Variants in LDHA observed in about 807,000 individuals in gnomAD.
LDHA encodes the protein lactate dehydrogenase A.
In LDHA, 10 loss-of-function variants were observed where a neutral mutation model predicts 36.3. The ratio of observed to expected loss-of-function variants is 0.28; its 90% CI spans 0.17 to 0.47. LDHA has a LOEUF of 0.47. Among genes scored for constraint, LDHA ranks in the 20% least tolerant of loss-of-function variants. The pLI, the probability that LDHA is intolerant of heterozygous loss-of-function variation, is 0.99. For synonymous variants in LDHA, 110 were observed against 136.7 expected (o/e 0.80, Z 1.36); for missense variants, 267 against 405.8 (o/e 0.66, Z 2.94).
In LDHA at chr11:18,401,022, G is replaced by T; in HGVS notation, c.418+12G>T. The T allele has an allele frequency of 6.2e-7, 1 of 1,603,994 alleles. No homozygotes were observed. The highest frequency in any genetic ancestry group is 1.1e-5 in the South Asian group (1 of 90,858). ...TGTTTCAAATCCAGGTGAGGCTTTT[G>T]ACTGCATAAAAATTGACAAGCTATA... On this transcript the variant is annotated intron_variant, in intron 4 of 7. Coordinates refer to ENST00000422447, the MANE Select transcript of LDHA (RefSeq NM_005566.4).
At chr11:18,395,219 AC>A (rs1387653248) in intron 1 of LDHA, 1 of 156,920 alleles carries the variant, frequency 6.4e-6, no homozygotes, top group Non-Finnish European at 1.4e-5. Context: ...TGCGCTAGGC[AC>A]GGCGCATGCA....
intron 2 of LDHA, chr11:18,399,097 A>C: frequency 3.2e-6 from 1 of 308,172 alleles, no homozygotes; most frequent in East Asian, 7.8e-5. Context: ...TGTAGGATGG[A>C]ATTTGAGAGA....
chr11:18,396,210 C>G (rs1322617016), intron 1 of LDHA: 2 of 264,664 alleles, frequency 7.6e-6, no homozygotes, highest in East Asian at 6.5e-5. Context: ...TCGCCCTGCG[C>G]GCTGTAATGC....
chr11:18,406,665 G>C, intron 7 of LDHA: 1 of 159,634 alleles, frequency 6.3e-6, no homozygotes, highest in South Asian at 1.8e-4. Context: ...GCAGTGAGCT[G>C]AGATCGCACC....
chr11:18,404,764 C>G (rs575450430), intron 6 of LDHA, among the ~76,000 whole-genome samples: 1 of 149,900 alleles, frequency 6.7e-6, no homozygotes, highest in Non-Finnish European at 1.5e-5. Flanking sequence ...GCCGAGATCG[C>G]GCCACTGCAC....
At chr11:18,404,124 G>C in intron 6 of LDHA, among the ~76,000 whole-genome samples, 1 of 124,052 alleles carries the variant, frequency 8.1e-6, no homozygotes, top group South Asian at 3.2e-4. Flanking sequence ...TAGAGATGGG[G>C]TTTCACCATG....
chr11:18,397,109 A>G, intron 2 of LDHA, 141 bp downstream of exon 2: 6 of 749,320 alleles, frequency 8.0e-6, no homozygotes, highest in Non-Finnish European at 1.4e-5. Flanking sequence ...TCTGTGAAAC[A>G]AACTTTTGAA....
chr11:18,407,315 G>C lies in LDHA; in HGVS notation c.*34G>C, dbSNP rs1866726589. On this transcript the variant is annotated 3_prime_UTR_variant, in exon 8 of 8. Coordinates refer to ENST00000422447, the MANE Select transcript of LDHA (RefSeq NM_005566.4). ...GATGTCATATCATTTCACTGTCTAGGCTACAACAGGATTCTAGGTGGAGGT... is the reference window on the plus strand; with the variant it reads ...GATGTCATATCATTTCACTGTCTAGCCTACAACAGGATTCTAGGTGGAGGT... 6.2e-7 allele frequency: 1 copy of C among 1,612,132 alleles called. No homozygotes were observed. Among genetic ancestry groups the C allele is most frequent in the Non-Finnish European group, 8.5e-7 (1 of 1,179,590 alleles).
intron 6 of LDHA, 81 bp downstream of exon 6, chr11:18,403,892 T>C: frequency 1.1e-6 from 1 of 871,672 alleles, no homozygotes; most frequent in South Asian, 1.4e-5. Flanking sequence ...TAATAGTATT[T>C]GCATTTGAGA....
chr11:18,395,652 A>C (rs141858909), intron 1 of LDHA, among the ~76,000 whole-genome samples: 162 of 152,244 alleles, frequency 1.1e-3, no homozygotes, highest in African/African-American at 3.5e-3. Context: ...GTCCTCTCGG[A>C]TTTTTGCCCT....
intron 2 of LDHA, chr11:18,398,497 T>C (rs1866370476): frequency 6.6e-6 from 1 of 151,650 alleles, no homozygotes; most frequent in African/African-American, 2.4e-5. Flanking sequence ...GTGATTCTCC[T>C]GCCTCAGCCT....
At chr11:18,405,602 G>T in intron 7 of LDHA, 30 bp downstream of exon 7, 1 of 1,611,372 alleles carries the variant, frequency 6.2e-7, no homozygotes, top group South Asian at 1.1e-5. Flanking sequence ...CGCTGCATTT[G>T]AATGCTTTTT....
At chr11:18,397,183 C>A in intron 2 of LDHA, 1 of 477,164 alleles carries the variant, frequency 2.1e-6, no homozygotes, top group Non-Finnish European at 3.7e-6. Context: ...AGGCTGGAGA[C>A]CCAGTTCCTA....
intron 4 of LDHA, among the ~76,000 whole-genome samples, chr11:18,402,151 C>T (rs911566625): frequency 2.0e-5 from 3 of 151,428 alleles, no homozygotes; most frequent in Non-Finnish European, 2.9e-5. Flanking sequence ...AAAGGGGTTT[C>T]ACCATGTTGC....
In LDHA at chr11:18,401,473, C is replaced by CTTTTTTTTTTTTTTTT. The variant is rs58157049; in HGVS notation, c.418+470_418+485dup. The stretch of plus-strand genomic sequence containing the variant: ...CATATTTATTGATTCATTTATTTTT[C>CTTTTTTTTTTTTTTTT]TTTTTTTTTTTTTTTTTTTTTTGAG... On this transcript the variant is annotated intron_variant, in intron 4 of 7. Coordinates refer to ENST00000422447, the MANE Select transcript of LDHA (RefSeq NM_005566.4). 1.3e-4 allele frequency among the ~76,000 whole-genome samples: 9 copies of CTTTTTTTTTTTTTTTT among 68,590 alleles called. 2 individuals carry two copies. Among genetic ancestry groups the CTTTTTTTTTTTTTTTT allele is most frequent in the East Asian group, 6.7e-4 (2 of 3,004 alleles). The allele number at this position is 68,590 out of a possible 152,430, so 45.0% of individuals were successfully genotyped here.
In LDHA at chr11:18,396,841, A is replaced by G. The variant is rs1381758156; in HGVS notation, c.-2A>G. ...TAGATTCCTTTTGGTTCCAAGTCCA[A>G]TATGGCAACTCTAAAGGATCAGCTG... On this transcript the variant is annotated 5_prime_UTR_variant, in exon 2 of 8. Transcript: ENST00000422447. 6 of 1,611,590 alleles carry G rather than the reference A, an allele frequency of 3.7e-6. No homozygotes were observed. Among genetic ancestry groups the G allele is most frequent in the East Asian group, 2.2e-5 (1 of 44,806 alleles).
intron 1 of LDHA, chr11:18,396,391 C>G (rs1201377975): frequency 4.9e-6 from 2 of 404,326 alleles, no homozygotes; most frequent in African/African-American, 2.1e-5. Context: ...GGCTCCTGTG[C>G]CTTGGGCTTG....
intron 7 of LDHA, among the ~76,000 whole-genome samples, 190 bp from the exon 8 acceptor site, chr11:18,406,927 A>T (rs1243784820): frequency 6.6e-6 from 1 of 150,828 alleles, no homozygotes; most frequent in Non-Finnish European, 1.5e-5. Context: ...AATTACTTGA[A>T]CCCTGGAGGT....
Position 18,408,276 on chromosome 11 carries a change from T to C in LDHA, c.*995T>C. ...TGGGAAGCCCAGGTGGGCTGATCACTGGAGGCCAGGAATTGGGGACCAGCC... is the reference window on the plus strand; with the variant it reads ...TGGGAAGCCCAGGTGGGCTGATCACCGGAGGCCAGGAATTGGGGACCAGCC... On this transcript the variant is annotated 3_prime_UTR_variant, in exon 8 of 8. Transcript: ENST00000422447. The C allele has an allele frequency of 6.8e-6, 3 of 442,942 alleles. No homozygotes were observed. The highest frequency in any genetic ancestry group is 1.6e-5 in the South Asian group (1 of 62,360). The allele number at this position is 442,942 out of a possible 1,614,324, so 27.4% of individuals were successfully genotyped here. A position where few individuals can be genotyped will look rare whatever the true frequency, so the allele number is the denominator to read the frequency against.
Sources: gnomAD v4.1 joint callset for allele counts (sites outside exome capture counted in the v4.1 genomes callset) on GRCh38, gnomAD v4.1.1 for gene constraint, MANE v1.5 for transcripts, NCBI Gene and HGNC (gene_info 2026-07-23, HGNC 2026-07-21) for gene names.